The following DDX10 variants were observed in gnomAD, a reference collection of about 807,000 sequenced individuals.
DDX10 encodes the protein DEAD-box helicase 10, also known as probable ATP-dependent RNA helicase DDX10.
A neutral mutation model predicts 104.3 loss-of-function variants in DDX10; 74 were observed. The observed-to-expected ratio is 0.71, with a 90% CI of 0.59 to 0.86. The LOEUF (loss-of-function observed/expected upper bound fraction) is 0.86. DDX10 is among the 40% of genes least tolerant of loss of function. The pLI, the probability that DDX10 is intolerant of heterozygous loss-of-function variation, is 0.00. For synonymous variants in DDX10, 351 were observed against 353.4 expected (o/e 0.99, Z 0.08); for missense variants, 952 against 1,040.0 (o/e 0.92, Z 1.16).
chr11:108,708,869 G>C (rs1165000707), intron 10 of DDX10, among the ~76,000 whole-genome samples: 1 of 152,108 alleles, frequency 6.6e-6, no homozygotes, highest in Non-Finnish European at 1.5e-5. Flanking sequence ...TGATGTCTGT[G>C]GGTTTTGTGG....
chr11:108,917,199 G>A (rs1038128786), intron 16 of DDX10, among the ~76,000 whole-genome samples: 1 of 150,374 alleles, frequency 6.7e-6, no homozygotes, highest in Admixed American at 6.7e-5. Context: ...GGAGTAGCTA[G>A]GACTACAGAC....
chr11:108,723,093 A>G lies in DDX10; in HGVS notation c.1596A>G (p.Val532=). 6.2e-7 allele frequency: 1 copy of G among 1,613,928 alleles called. No individual in the cohort carries two copies. The highest frequency in any genetic ancestry group is 8.5e-7 in the Non-Finnish European group (1 of 1,179,888). The stretch of plus-strand genomic sequence containing the variant: ...TGGTAAGGAGCCAAGCCGATAAAGT[A>G]ATTGAGCCAAGGGCTCCCTCCCTCA... The part of the protein sequence containing the change: ...KELVRSQADK[V]IEPRAPSLTN... The change falls in exon 13 of 18, where the codon GTA becomes GTG. Residue 532 remains valine, a synonymous_variant. Transcript: ENST00000322536.
chr11:108,918,091 A>C (rs1215774284), intron 17 of DDX10, 73 bp downstream of exon 17: 9 of 1,440,652 alleles, frequency 6.2e-6, no homozygotes, highest in Non-Finnish European at 8.8e-6. Context: ...TCCAAAAGAC[A>C]TTACTAAGAG....
intron 9 of DDX10, among the ~76,000 whole-genome samples, chr11:108,705,690 T>C (rs755718018): frequency 3.9e-5 from 6 of 152,232 alleles, no homozygotes; most frequent in African/African-American, 7.2e-5. Flanking sequence ...TTTTATAGTA[T>C]GAATCCTGGT....
chr11:108,879,163 G>A (rs557326797), intron 16 of DDX10, among the ~76,000 whole-genome samples: 5 of 152,056 alleles, frequency 3.3e-5, no homozygotes, highest in East Asian at 1.9e-4. Context: ...CACCACACCC[G>A]GCTAATTTTT....
At chr11:108,868,480 ACTTAC>A (rs1449283372) in intron 16 of DDX10, 2 of 151,964 alleles carry the variant, frequency 1.3e-5, no homozygotes, top group African/African-American at 2.4e-5. Context: ...CAAAATGATA[ACTTAC>A]CTTATTATTT....
At chr11:108,687,543 A>G (rs537113275) in intron 6 of DDX10, among the ~76,000 whole-genome samples, 6 of 152,116 alleles carry the variant, frequency 3.9e-5, no homozygotes, top group Non-Finnish European at 7.4e-5. Context: ...ATCTTTTCAT[A>G]TGGTTATTTT....
chr11:108,852,352 T>C (rs552697036), intron 16 of DDX10, 143 bp downstream of exon 16: 15 of 604,588 alleles, frequency 2.5e-5, no homozygotes, highest in Admixed American at 1.7e-4. Context: ...TTATATATTA[T>C]TTGTATATCA....
chr11:108,815,315 A>G (rs1862240566), intron 13 of DDX10, among the ~76,000 whole-genome samples: 1 of 151,970 alleles, frequency 6.6e-6, no homozygotes, highest in Admixed American at 6.6e-5. Context: ...TAAATTATCA[A>G]TACTAGGGAA....
At chr11:108,702,758 G>C (rs1336092468) in intron 9 of DDX10, among the ~76,000 whole-genome samples, 2 of 152,158 alleles carry the variant, frequency 1.3e-5, no homozygotes, top group Non-Finnish European at 2.9e-5. Flanking sequence ...CCAATCTGTT[G>C]AGTATTCTTG....
chr11:108,893,347 C>A (rs1044801602), intron 16 of DDX10, among the ~76,000 whole-genome samples: 8 of 151,694 alleles, frequency 5.3e-5, no homozygotes, highest in African/African-American at 1.9e-4. Context: ...ATATTAAAAC[C>A]CAAAGATTTG....
chr11:108,903,305 A>C (rs1863542942), intron 16 of DDX10, among the ~76,000 whole-genome samples: 1 of 152,112 alleles, frequency 6.6e-6, no homozygotes, highest in Admixed American at 6.6e-5. Context: ...AAGTGGATTC[A>C]TGCAATATGT....
intron 6 of DDX10, among the ~76,000 whole-genome samples, chr11:108,687,287 A>G (rs1478529912): frequency 2.0e-5 from 3 of 152,050 alleles, no homozygotes; most frequent in African/African-American, 7.2e-5. Context: ...CTGTTGACAT[A>G]TGATATGGAT....
intron 13 of DDX10, among the ~76,000 whole-genome samples, chr11:108,724,779 C>G (rs2094303081): frequency 6.6e-6 from 1 of 152,036 alleles, no homozygotes; most frequent in African/African-American, 2.4e-5. Context: ...GGACATGTGT[C>G]TAAGTACTAA....
chr11:108,915,855 A>G (rs562470827), intron 16 of DDX10, among the ~76,000 whole-genome samples: 33 of 151,996 alleles, frequency 2.2e-4, no homozygotes, highest in Middle Eastern at 3.4e-3. Context: ...ACATTTTTCA[A>G]CCACAACAAT....
intron 13 of DDX10, among the ~76,000 whole-genome samples, chr11:108,821,176 A>T (rs1335820997): frequency 6.6e-6 from 1 of 152,240 alleles, no homozygotes; most frequent in African/African-American, 2.4e-5. Flanking sequence ...AGAAACATCA[A>T]CAAAGGGCTG....
At chr11:108,724,718 A>T (rs2094302987) in intron 13 of DDX10, among the ~76,000 whole-genome samples, 1 of 152,116 alleles carries the variant, frequency 6.6e-6, no homozygotes, top group African/African-American at 2.4e-5. Context: ...TCAAATTAAG[A>T]TGAGAAGGAA....
chr11:108,692,427 A>G (rs1358842322), intron 8 of DDX10, among the ~76,000 whole-genome samples: 1 of 152,166 alleles, frequency 6.6e-6, no homozygotes, highest in Non-Finnish European at 1.5e-5. Flanking sequence ...TTTTTATCTG[A>G]TAAATAACTA....
chr11:108,738,517 A>G (rs2094321056), intron 13 of DDX10, among the ~76,000 whole-genome samples: 1 of 152,130 alleles, frequency 6.6e-6, no homozygotes, highest in African/African-American at 2.4e-5. Context: ...ATATGCTATC[A>G]ATATCCTGGA....
Sources: gnomAD v4.1 joint callset for allele counts (sites outside exome capture counted in the v4.1 genomes callset) on GRCh38, gnomAD v4.1.1 for gene constraint, MANE v1.5 for transcripts, NCBI Gene and HGNC (gene_info 2026-07-23, HGNC 2026-07-21) for gene names.